The following DPP10 variants were observed in gnomAD, a reference collection of about 807,000 sequenced individuals.
The protein encoded by DPP10 is dipeptidyl peptidase like 10.
DPP10 carries 33 observed loss-of-function variants against 120.9 expected under a neutral mutation model. The observed-to-expected ratio is 0.27, with a 90% confidence interval of 0.21 to 0.37. The LOEUF is 0.37. Ranked by LOEUF, DPP10 falls within the 10% of genes least tolerant of loss-of-function variation. DPP10 has a pLI of 1.00. For synonymous variants in DPP10, 337 were observed against 326.1 expected (o/e 1.03, Z -0.36); for missense variants, 816 against 942.8 (o/e 0.87, Z 1.76).
At chr2:115,690,228 T>C in intron 7 of DPP10, among the ~76,000 whole-genome samples, 1 of 152,124 alleles carries the variant, frequency 6.6e-6, no homozygotes, top group East Asian at 1.9e-4. Context: ...TTACATAATA[T>C]TGTCAGTTTT....
intron 24 of DPP10, 120 bp downstream of exon 24, chr2:115,836,866 A>G: frequency 1.2e-6 from 1 of 819,756 alleles, no homozygotes; most frequent in Non-Finnish European, 1.9e-6. Context: ...AGAGAGTCAC[A>G]CAAAGAATCA....
At chr2:115,226,705 T>G (rs2057451357) in intron 1 of DPP10, among the ~76,000 whole-genome samples, 1 of 152,188 alleles carries the variant, frequency 6.6e-6, no homozygotes, top group Non-Finnish European at 1.5e-5. Flanking sequence ...CTACTTACTA[T>G]AGTTACATCA....
intron 1 of DPP10, among the ~76,000 whole-genome samples, chr2:114,821,122 G>T (rs541861301): frequency 6.6e-6 from 1 of 152,340 alleles, no homozygotes; most frequent in African/African-American, 2.4e-5. Flanking sequence ...TTATGAGTAG[G>T]CTGGAGGAGG....
intron 5 of DPP10, among the ~76,000 whole-genome samples, chr2:115,648,067 A>T (rs2087428483): frequency 6.6e-6 from 1 of 152,130 alleles, no homozygotes; most frequent in Admixed American, 6.6e-5. Flanking sequence ...GAGAGAGGGC[A>T]AGTGATCCCT....
chr2:114,721,318 A>AT (rs1326631246), intron 1 of DPP10, among the ~76,000 whole-genome samples: 1 of 152,170 alleles, frequency 6.6e-6, no homozygotes, highest in African/African-American at 2.4e-5. Context: ...TAAACAAAAG[A>AT]TTTTGTCAAA....
intron 5 of DPP10, among the ~76,000 whole-genome samples, chr2:115,561,037 T>C (rs1415689932): frequency 6.6e-6 from 1 of 151,990 alleles, no homozygotes; most frequent in Admixed American, 6.6e-5. Flanking sequence ...ATTGAGATGA[T>C]AGAATTTGCC....
chr2:114,703,454 G>A lies in DPP10; in HGVS notation c.60+260616G>A, dbSNP rs1233578215. ...TTTCACAGACATAAGTTTGTTTTTA[G>A]GCTTTCCCAAGTGGATTGATACACT... On this transcript the variant is annotated intron_variant, in intron 1 of 25. Coordinates refer to ENST00000410059, the MANE Select transcript of DPP10 (RefSeq NM_020868.6). 3.3e-5 allele frequency among the ~76,000 whole-genome samples: 5 copies of A among 152,068 alleles called. No individual in the cohort carries two copies. In the East Asian group the frequency reaches 9.6e-4, roughly 29 times the overall value.
intron 1 of DPP10, among the ~76,000 whole-genome samples, chr2:115,098,357 C>T (rs962423205): frequency 6.6e-6 from 1 of 152,152 alleles, no homozygotes; most frequent in Non-Finnish European, 1.5e-5. Flanking sequence ...GCATCCCTTA[C>T]CAACAGGGAT....
chr2:114,663,668 T>TAGAGAGAGAGAGAG lies in DPP10; in HGVS notation c.60+220846_60+220859dup, dbSNP rs1553479098. ...ATATATATATATATATATATATATA[T>TAGAGAGAGAGAGAG]AGAGAGAGAGAGAGAGAGAGAGAGA... On this transcript the variant is annotated intron_variant, in intron 1 of 25. Coordinates refer to ENST00000410059, the MANE Select transcript of DPP10 (RefSeq NM_020868.6). Among the ~76,000 whole-genome samples, 624 of 80,636 alleles carry TAGAGAGAGAGAGAG rather than the reference T, an allele frequency of 7.7e-3. 9 individuals are homozygous for TAGAGAGAGAGAGAG. The highest frequency in any genetic ancestry group is 0.012 in the African/African-American group (123 of 10,628). The allele number at this position is 80,636 out of a possible 152,430, so 52.9% of individuals were successfully genotyped here.
In DPP10 at chr2:114,852,151, CT is replaced by C. The variant is rs34580352; in HGVS notation, c.60+409338del. ...GGGAAATTTTTATAGCGATTGCATC[CT>C]TTTTTTTTTTTTTTTTTTTTTTTTC... On this transcript the variant is annotated intron_variant, in intron 1 of 25. Transcript: ENST00000410059. Among the ~76,000 whole-genome samples the C allele has an allele frequency of 1.9e-3, 102 of 53,722 alleles. 1 individual carries two copies. The highest frequency in any genetic ancestry group is 9.8e-3 in the East Asian group (20 of 2,042). 35.2% of individuals were successfully genotyped at this position (53,722 alleles called of 152,430 possible). A position where few individuals can be genotyped will look rare whatever the true frequency, so the allele number is the denominator to read the frequency against.
At chr2:114,662,787 G>A (rs995920959) in intron 1 of DPP10, among the ~76,000 whole-genome samples, 1 of 152,128 alleles carries the variant, frequency 6.6e-6, no homozygotes. Flanking sequence ...GCCAGGGGGG[G>A]ACCTTGGGCC....
At chr2:115,473,574 C>T (rs576997761) in intron 3 of DPP10, among the ~76,000 whole-genome samples, 3 of 152,174 alleles carry the variant, frequency 2.0e-5, no homozygotes, top group Admixed American at 2.0e-4. Context: ...TCAGAATGGG[C>T]AGGAATAAAC....
At chr2:114,637,889 G>A (rs1028351375) in intron 1 of DPP10, among the ~76,000 whole-genome samples, 13 of 151,740 alleles carry the variant, frequency 8.6e-5, no homozygotes, top group East Asian at 3.9e-4. Flanking sequence ...TTACTGTAGC[G>A]CTGTAGTATA....
At chr2:114,781,968 T>C (rs1428286190) in intron 1 of DPP10, among the ~76,000 whole-genome samples, 1 of 152,224 alleles carries the variant, frequency 6.6e-6, no homozygotes, top group East Asian at 1.9e-4. Context: ...TTAAATTGTG[T>C]ATGATATTTT....
rs188332353 is a variant in DPP10, at chr2:114,784,392, A to T, written c.60+341554A>T. On this transcript the variant is annotated intron_variant, in intron 1 of 25. Transcript: ENST00000410059. ...ATTTTCTACTTTTACCTCTTTAAAA[A>T]GAGGTAGGTTTAAAAACCTGCCTTC... 2.0e-3 allele frequency among the ~76,000 whole-genome samples: 302 copies of T among 152,278 alleles called. 1 individual carries two copies. Among genetic ancestry groups the T allele is most frequent in the African/African-American group, 7.1e-3 (294 of 41,572 alleles).
intron 1 of DPP10, among the ~76,000 whole-genome samples, chr2:114,600,307 C>A (rs551200767): frequency 4.2e-4 from 64 of 151,820 alleles, no homozygotes; most frequent in African/African-American, 1.4e-3. Flanking sequence ...ATCCCATTTT[C>A]TGTTAAGCCC....
At chr2:114,579,398 T>C (rs963516572) in intron 1 of DPP10, among the ~76,000 whole-genome samples, 6 of 152,152 alleles carry the variant, frequency 3.9e-5, no homozygotes, top group Admixed American at 6.5e-5. Flanking sequence ...TGTACTGTAA[T>C]GGTAATCATG....
At chr2:115,469,492 AC>A (rs1368519170) in intron 3 of DPP10, among the ~76,000 whole-genome samples, 11 of 152,106 alleles carry the variant, frequency 7.2e-5, no homozygotes, top group African/African-American at 2.4e-4. Flanking sequence ...TACAACTAAG[AC>A]CTTTTTGACT....
At chr2:115,484,772 G>A (rs574657187) in intron 3 of DPP10, among the ~76,000 whole-genome samples, 4 of 152,188 alleles carry the variant, frequency 2.6e-5, no homozygotes, top group South Asian at 2.1e-4. Context: ...CAGCCAGTTC[G>A]GGAGGTAATC....
Sources: allele counts gnomAD v4.1 joint callset (sites outside exome capture counted in the v4.1 genomes callset), GRCh38; gene constraint gnomAD v4.1.1; transcripts MANE v1.5; gene names NCBI Gene and HGNC (gene_info 2026-07-23, HGNC 2026-07-21).